ADK: variants seen among roughly 807,000 people sequenced by gnomAD.
ADK encodes N6,N6-dimethyladenosine kinase.
ADK carries 24 observed loss-of-function variants against 44.7 expected under a neutral mutation model. That is an observed-to-expected ratio of 0.54 (90% confidence interval 0.39 to 0.76). The LOEUF is 0.76. ADK is among the 30% of genes least tolerant of loss of function. The probability of loss-of-function intolerance (pLI) is 0.00; values close to 1 mark genes in which losing one functional copy is unlikely to be tolerated. For missense variants in ADK, 321 were observed against 425.1 expected (o/e 0.76, Z 2.15); for synonymous variants, 128 against 142.6 (o/e 0.90, Z 0.73).
rs74585794 is a variant in ADK, at chr10:74,214,900, C to T, written c.141-9638C>T. 9.6e-4 allele frequency among the ~76,000 whole-genome samples: 146 copies of T among 152,286 alleles called. No individual in the cohort carries two copies. The East Asian group carries it at 0.025, about 27-fold the overall frequency. On this transcript the variant is annotated intron_variant, in intron 2 of 10. Transcript: ENST00000539909. Reference sequence around the variant, plus strand: ...CTGGATAGCAACCCTGTGACATAGGCAGGTTTATCCTCATTAGAGAAATTA... The same window carrying T: ...CTGGATAGCAACCCTGTGACATAGGTAGGTTTATCCTCATTAGAGAAATTA...
At chr10:74,208,257 G>A (rs1452161127) in intron 2 of ADK, among the ~76,000 whole-genome samples, 1 of 152,240 alleles carries the variant, frequency 6.6e-6, no homozygotes, top group African/African-American at 2.4e-5. Flanking sequence ...GGAGGGTGGG[G>A]CTCCAGCCCT....
intron 6 of ADK, among the ~76,000 whole-genome samples, chr10:74,402,859 T>C (rs1011844931): frequency 3.9e-5 from 6 of 152,224 alleles, no homozygotes; most frequent in African/African-American, 1.4e-4. Context: ...TTTTCTCCTC[T>C]GGTTTCTCCC....
chr10:74,485,649 A>G (rs1169957648), intron 6 of ADK, among the ~76,000 whole-genome samples: 1 of 152,228 alleles, frequency 6.6e-6, no homozygotes, highest in Admixed American at 6.5e-5. Flanking sequence ...TGAAGATACA[A>G]ATTCCCTACT....
intron 9 of ADK, among the ~76,000 whole-genome samples, chr10:74,618,354 G>A (rs1217912436): frequency 6.6e-6 from 1 of 151,818 alleles, no homozygotes; most frequent in Non-Finnish European, 1.5e-5. Flanking sequence ...GCAGTGGTGT[G>A]ATCTCAGCTC....
chr10:74,520,833 T>C (rs1370109355), intron 6 of ADK, among the ~76,000 whole-genome samples: 2 of 152,132 alleles, frequency 1.3e-5, no homozygotes, highest in Admixed American at 6.6e-5. Flanking sequence ...TTTTCTGTTA[T>C]AATGAATACA....
chr10:74,227,996 T>C (rs1844610514), intron 3 of ADK, among the ~76,000 whole-genome samples: 2 of 151,902 alleles, frequency 1.3e-5, no homozygotes, highest in African/African-American at 2.4e-5. Context: ...GACAGCAGAG[T>C]GAGACCTTGC....
At chr10:74,244,493 G>A (rs557766500) in intron 3 of ADK, among the ~76,000 whole-genome samples, 1 of 152,222 alleles carries the variant, frequency 6.6e-6, no homozygotes, top group East Asian at 1.9e-4. Flanking sequence ...TAATATGCCA[G>A]ATAACCTTTT....
rs191757171 is a variant in ADK at position 74,538,120 on chromosome 10, T to G, written c.726+12694T>G. ...AAACACAAAAATTAGCTGGGTGTGG[T>G]GGCACGCGCCTATAGTCCCAGCTGC... On this transcript the variant is annotated intron_variant, in intron 7 of 10. Coordinates refer to ENST00000539909, the MANE Select transcript of ADK (RefSeq NM_006721.4). 8.8e-4 allele frequency among the ~76,000 whole-genome samples: 134 copies of G among 152,174 alleles called. 1 individual carries two copies. The highest frequency in any genetic ancestry group is 3.0e-3 in the African/African-American group (126 of 41,518).
At chr10:74,344,401 T>C (rs999698282) in intron 4 of ADK, 1 of 154,326 alleles carries the variant, frequency 6.5e-6, no homozygotes, top group African/African-American at 2.4e-5. Flanking sequence ...TAAATAGGAA[T>C]AATCACTGGT....
intron 6 of ADK, among the ~76,000 whole-genome samples, chr10:74,456,283 T>G (rs1845941917): frequency 6.6e-6 from 1 of 152,052 alleles, no homozygotes; most frequent in Non-Finnish European, 1.5e-5. Context: ...GACCACATAA[T>G]TGGAAGTAAA....
intron 6 of ADK, among the ~76,000 whole-genome samples, chr10:74,510,621 C>T (rs991808397): frequency 2.6e-5 from 4 of 152,090 alleles, no homozygotes; most frequent in African/African-American, 9.7e-5. Flanking sequence ...AAGTTGTATT[C>T]ATAAAATATT....
At chr10:74,389,663 A>G (rs1659075408) in intron 4 of ADK, among the ~76,000 whole-genome samples, 1 of 152,092 alleles carries the variant, frequency 6.6e-6, no homozygotes, top group Non-Finnish European at 1.5e-5. Flanking sequence ...CACTGATCAA[A>G]AGCAAAGTTC....
intron 9 of ADK, among the ~76,000 whole-genome samples, chr10:74,647,493 C>A (rs760636781): frequency 6.6e-6 from 1 of 151,996 alleles, no homozygotes; most frequent in African/African-American, 2.4e-5. Context: ...AACTCTGTGC[C>A]GAATGAGCGG....
At chr10:74,428,105 C>T (rs1314187893) in intron 6 of ADK, among the ~76,000 whole-genome samples, 1 of 152,118 alleles carries the variant, frequency 6.6e-6, no homozygotes. Context: ...CCTATGTTTA[C>T]CTGTCCAAAT....
intron 2 of ADK, among the ~76,000 whole-genome samples, chr10:74,216,730 A>AT (rs918821836): frequency 2.6e-4 from 39 of 151,160 alleles, no homozygotes; most frequent in East Asian, 1.4e-3. Flanking sequence ...GTCTCAAAAA[A>AT]AAAAATAAAA....
At chr10:74,659,731 G>A (rs776828143) in intron 9 of ADK, among the ~76,000 whole-genome samples, 7 of 152,218 alleles carry the variant, frequency 4.6e-5, no homozygotes, top group South Asian at 2.1e-4. Flanking sequence ...AAAGTCTGAC[G>A]TTCCAGGGCA....
At chr10:74,401,381 C>T (rs146569919) in intron 6 of ADK, among the ~76,000 whole-genome samples, 1,684 of 152,240 alleles carry the variant, frequency 0.011, 17 homozygotes, top group Non-Finnish European at 0.017. Flanking sequence ...CTTTATGAAT[C>T]TGGGTGCTCC....
At chr10:74,622,062 C>CCTGT (rs1385717794) in intron 9 of ADK, among the ~76,000 whole-genome samples, 1 of 152,178 alleles carries the variant, frequency 6.6e-6, no homozygotes, top group Non-Finnish European at 1.5e-5. Flanking sequence ...TGTCCTGCTT[C>CCTGT]CTGACAAGTG....
rs994819087 is a variant in ADK at position 74,176,654 on chromosome 10, G to C, written c.66-24110G>C. ...GCGGTGGCCCACGGCGTCTGGGGAC[G>C]ATCTCCAGCCCTTCGCACGGGGCGG... On this transcript the variant is annotated intron_variant, in intron 1 of 10. Coordinates refer to ENST00000539909, the MANE Select transcript of ADK (RefSeq NM_006721.4). 6 of 1,410,968 alleles carry C rather than the reference G, an allele frequency of 4.3e-6. No individual in the cohort carries two copies. The African/African-American group carries it at 8.9e-5, about 21-fold the overall frequency. 87.4% of individuals were successfully genotyped at this position (1,410,968 alleles called of 1,614,324 possible).
Sources: gnomAD v4.1 joint callset for allele counts (sites outside exome capture counted in the v4.1 genomes callset) on GRCh38, gnomAD v4.1.1 for gene constraint, MANE v1.5 for transcripts, NCBI Gene and HGNC (gene_info 2026-07-23, HGNC 2026-07-21) for gene names.